RHBDD1: variants seen among roughly 807,000 people sequenced by gnomAD.
RHBDD1 encodes the protein rhomboid domain containing 1, also known as rhomboid-related protein 4.
A neutral mutation model predicts 36.3 loss-of-function variants in RHBDD1; 38 were observed. The ratio of observed to expected loss-of-function variants is 1.05; its 90% confidence interval spans 0.81 to 1.37. The LOEUF is 1.37. Among genes scored for constraint, RHBDD1 ranks in the 40% most tolerant of loss-of-function variants. The pLI is 0.00. For missense variants in RHBDD1, 393 were observed against 377.6 expected (o/e 1.04, Z -0.34); for synonymous variants, 151 against 136.5 (o/e 1.11, Z -0.74).
upstream of RHBDD1, chr2:226,835,825 C>A (rs1940891558): frequency 6.6e-6 from 1 of 152,292 alleles, no homozygotes; most frequent in Admixed American, 6.5e-5. Flanking sequence ...GGGCGAGGGT[C>A]CACACTCTCC....
At position 226,907,024 on chromosome 2, in the gene RHBDD1, A is replaced by G. The variant is rs557832395; in HGVS notation, c.655+143A>G. The G allele has an allele frequency of 9.5e-6, 8 of 839,528 alleles. No individual in the cohort carries two copies. The East Asian group carries it at 1.3e-4, about 14-fold the overall frequency. The allele number at this position is 839,528 out of a possible 1,614,324, so 52.0% of individuals were successfully genotyped here. On this transcript the variant is annotated intron_variant, in intron 6 of 8. Coordinates refer to ENST00000392062, the MANE Select transcript of RHBDD1 (RefSeq NM_001167608.3). The stretch of plus-strand genomic sequence containing the variant: ...TGTTTTTCTTTTTAAACCGAAAGGT[A>G]AAACAACCAGTGCAGTTCCTTACAT...
upstream of RHBDD1, among the ~76,000 whole-genome samples, chr2:226,835,328 T>G (rs1162274761): frequency 6.6e-6 from 1 of 152,220 alleles, no homozygotes; most frequent in African/African-American, 2.4e-5. Context: ...TAAAATGGTA[T>G]CAAATTATGT....
intron 3 of RHBDD1, among the ~76,000 whole-genome samples, chr2:226,843,134 T>A (rs1941850888): frequency 6.6e-6 from 1 of 152,232 alleles, no homozygotes; most frequent in African/African-American, 2.4e-5. Flanking sequence ...ATCCTGAGAC[T>A]TTGCTGAAGT....
intron 8 of RHBDD1, among the ~76,000 whole-genome samples, chr2:226,991,568 C>T (rs1958224634): frequency 6.6e-6 from 1 of 152,194 alleles, no homozygotes; most frequent in East Asian, 1.9e-4. Context: ...TAGAGATGAA[C>T]AATCATACCA....
chr2:226,903,036 AATATTAT>A (rs1947724908), intron 5 of RHBDD1, among the ~76,000 whole-genome samples: 1 of 152,184 alleles, frequency 6.6e-6, no homozygotes, highest in African/African-American at 2.4e-5. Context: ...CAGAAATACC[AATATTAT>A]TATATTCTTT....
intron 8 of RHBDD1, among the ~76,000 whole-genome samples, chr2:226,989,316 C>T (rs188056366): frequency 7.9e-5 from 12 of 152,238 alleles, no homozygotes; most frequent in Admixed American, 7.2e-4. Context: ...TATGGATCCA[C>T]TTATGGACAA....
intron 8 of RHBDD1, among the ~76,000 whole-genome samples, chr2:226,972,118 A>G (rs906713871): frequency 2.6e-5 from 4 of 151,286 alleles, no homozygotes; most frequent in Non-Finnish European, 5.9e-5. Flanking sequence ...GTGCTGTTCC[A>G]CTCCCTGTAT....
chr2:226,938,271 C>T (rs1254154995), intron 8 of RHBDD1, among the ~76,000 whole-genome samples: 1 of 151,946 alleles, frequency 6.6e-6, no homozygotes, highest in Non-Finnish European at 1.5e-5. Flanking sequence ...CCTTTGCCCA[C>T]TTTTTAATGG....
chr2:226,801,181 C>G, the RHBDD1 span, among the ~76,000 whole-genome samples: 1 of 152,324 alleles, frequency 6.6e-6, no homozygotes, highest in African/African-American at 2.4e-5. Context: ...AGTCGAGGCG[C>G]TGGGCATGCT....
chr2:226,969,248 T>C (rs939284243), intron 8 of RHBDD1: 3 of 152,076 alleles, frequency 2.0e-5, no homozygotes, highest in African/African-American at 7.2e-5. Flanking sequence ...TGTCTAAAAT[T>C]TGTGTTTTTA....
At chr2:226,929,975 G>T (rs943712203) in intron 8 of RHBDD1, among the ~76,000 whole-genome samples, 21 of 151,760 alleles carry the variant, frequency 1.4e-4, no homozygotes, top group African/African-American at 5.1e-4. Flanking sequence ...TCTCTACAAG[G>T]AAAACTATAA....
chr2:226,885,325 C>A (rs1946116665), intron 5 of RHBDD1, among the ~76,000 whole-genome samples: 1 of 151,982 alleles, frequency 6.6e-6, no homozygotes, highest in African/African-American at 2.4e-5. Context: ...AATTAGCTTT[C>A]TAAGAATCTA....
At chr2:226,859,401 G>A (rs1943637475) in intron 3 of RHBDD1, among the ~76,000 whole-genome samples, 2 of 152,306 alleles carry the variant, frequency 1.3e-5, no homozygotes, top group African/African-American at 2.4e-5. Context: ...GTGATTTGAA[G>A]TATATGGGAG....
intron 5 of RHBDD1, among the ~76,000 whole-genome samples, chr2:226,878,209 G>T (rs1945405098): frequency 6.6e-6 from 1 of 152,016 alleles, no homozygotes; most frequent in East Asian, 1.9e-4. Flanking sequence ...AGTTAGGGAT[G>T]GGAGGGAGAG....
the RHBDD1 span, among the ~76,000 whole-genome samples, chr2:226,824,334 G>T: frequency 2.0e-5 from 3 of 151,904 alleles, no homozygotes; most frequent in African/African-American, 4.8e-5. Context: ...TGTAGGATTG[G>T]ACATCCACTT....
upstream of RHBDD1, among the ~76,000 whole-genome samples, chr2:226,833,720 A>G (rs1940799810): frequency 6.6e-6 from 1 of 152,232 alleles, no homozygotes; most frequent in Non-Finnish European, 1.5e-5. Context: ...GTATATTTTA[A>G]GTTAAAGAAT....
At chr2:226,825,491 G>T in the RHBDD1 span, among the ~76,000 whole-genome samples, 1 of 152,046 alleles carries the variant, frequency 6.6e-6, no homozygotes, top group Non-Finnish European at 1.5e-5. Context: ...GATTAAGAAA[G>T]ATCTATCTAA....
At chr2:226,942,786 G>A (rs1950747680) in intron 8 of RHBDD1, among the ~76,000 whole-genome samples, 1 of 151,914 alleles carries the variant, frequency 6.6e-6, no homozygotes, top group South Asian at 2.1e-4. Context: ...AATTTAAATA[G>A]AACTTAATTT....
chr2:226,858,825 C>T (rs1269400545), intron 3 of RHBDD1, among the ~76,000 whole-genome samples: 2 of 152,086 alleles, frequency 1.3e-5, no homozygotes, highest in Admixed American at 6.5e-5. Flanking sequence ...TTTCAAGAAA[C>T]CTTCCATTTC....
Sources: gnomAD v4.1 joint callset for allele counts (sites outside exome capture counted in the v4.1 genomes callset) on GRCh38, gnomAD v4.1.1 for gene constraint, MANE v1.5 for transcripts, NCBI Gene and HGNC (gene_info 2026-07-23, HGNC 2026-07-21) for gene names.